PIP5K1C: variants seen among roughly 807,000 people sequenced by gnomAD.
The protein encoded by PIP5K1C is phosphatidylinositol 4-phosphate 5-kinase type-1 gamma.
A neutral mutation model predicts 80.1 loss-of-function variants in PIP5K1C; 45 were observed. The observed-to-expected ratio is 0.56, with a 90% CI of 0.44 to 0.72. PIP5K1C has a LOEUF of 0.72. Among genes scored for constraint, PIP5K1C ranks in the 30% least tolerant of loss-of-function variants. PIP5K1C has a pLI of 0.00. For missense variants in PIP5K1C, 753 were observed against 954.6 expected (o/e 0.79, Z 2.78); for synonymous variants, 498 against 420.1 (o/e 1.19, Z -2.27).
At chr19:3,663,889 C>T (rs1301360125) in intron 3 of PIP5K1C, among the ~76,000 whole-genome samples, 5 of 152,218 alleles carry the variant, frequency 3.3e-5, no homozygotes, top group South Asian at 2.1e-4. Context: ...CCGAGACAAA[C>T]GAACACATGT....
chr19:3,667,064 G>A (rs1490579219), intron 2 of PIP5K1C, among the ~76,000 whole-genome samples: 4 of 146,530 alleles, frequency 2.7e-5, no homozygotes, highest in African/African-American at 7.7e-5. Flanking sequence ...TGCCCCTGCA[G>A]CCCTGACCAG....
At position 3,633,025 on chromosome 19, in the gene PIP5K1C, T is replaced by A. The variant is rs1270663715; in HGVS notation, c.*142A>T. ...TCGGGGAGGGGCCCGGCCGTCGGCA[T>A]CCGTGCAGGGGGAGGACGAGGTCCG... On this transcript the variant is annotated 3_prime_UTR_variant, in exon 18 of 18. Transcript: ENST00000335312. The A allele has an allele frequency of 1.1e-5, 6 of 563,102 alleles. No individual in the cohort carries two copies. The highest frequency in any genetic ancestry group is 2.9e-5 in the Admixed American group (1 of 34,060). The allele number at this position is 563,102 out of a possible 1,614,324, so 34.9% of individuals were successfully genotyped here.
At position 3,700,468 on chromosome 19, in the gene PIP5K1C, C is replaced by T. The variant is rs1420068812; in HGVS notation, c.-78G>A. 16 of 803,006 alleles carry T rather than the reference C, an allele frequency of 2.0e-5. No individual in the cohort carries two copies. Among genetic ancestry groups the T allele is most frequent in the Non-Finnish European group, 2.4e-5 (16 of 660,804 alleles). 49.7% of individuals were successfully genotyped at this position (803,006 alleles called of 1,614,324 possible). A position where few individuals can be genotyped will look rare whatever the true frequency, so the allele number is the denominator to read the frequency against. ...GCCGCCGCCGAACAACAAGCGCCGCCGGCCAAGGGAGGGCGCGCCGGGCCG... is the reference window on the plus strand; with the variant it reads ...GCCGCCGCCGAACAACAAGCGCCGCTGGCCAAGGGAGGGCGCGCCGGGCCG... On this transcript the variant is annotated 5_prime_UTR_variant, in exon 1 of 18. Transcript: ENST00000335312.
In PIP5K1C at chr19:3,632,810, G is replaced by C; in HGVS notation, c.*357C>G. On this transcript the variant is annotated 3_prime_UTR_variant, in exon 18 of 18. Transcript: ENST00000335312. ...CAGGCAGGCACAGCAGAGAACCAAA[G>C]AGTGCAGTGGGCAGGGGCTCTTCTC... 3.6e-6 allele frequency: 1 copy of C among 277,684 alleles called. No homozygotes were observed. The highest frequency in any genetic ancestry group is 7.3e-5 in the South Asian group (1 of 13,696). 17.2% of individuals were successfully genotyped at this position (277,684 alleles called of 1,614,324 possible). A position where few individuals can be genotyped will look rare whatever the true frequency, so the allele number is the denominator to read the frequency against.
chr19:3,667,303 G>C lies in PIP5K1C; in HGVS notation c.126+19C>G. 1 of 1,611,370 alleles carries C rather than the reference G, an allele frequency of 6.2e-7. No homozygotes were observed. The highest frequency in any genetic ancestry group is 8.5e-7 in the Non-Finnish European group (1 of 1,178,934). Reference sequence around the variant, plus strand: ...TCAGGGTGGGGACCCCAGGCCCTTCGTCCGCTCCAGACACTCACCTCTGTT... The same window carrying C: ...TCAGGGTGGGGACCCCAGGCCCTTCCTCCGCTCCAGACACTCACCTCTGTT... On this transcript the variant is annotated intron_variant, in intron 2 of 17. Transcript: ENST00000335312.
intron 1 of PIP5K1C, among the ~76,000 whole-genome samples, chr19:3,687,532 C>T (rs1443714042): frequency 8.8e-6 from 1 of 113,846 alleles, no homozygotes; most frequent in Non-Finnish European, 1.9e-5. Context: ...CATGCACACG[C>T]ACACACATAC....
intron 16 of PIP5K1C, among the ~76,000 whole-genome samples, chr19:3,634,515 G>A (rs905912865): frequency 2.0e-5 from 3 of 152,168 alleles, no homozygotes; most frequent in Admixed American, 2.0e-4. Context: ...GCCTGGCCAC[G>A]TCCACCTGGC....
intron 1 of PIP5K1C, among the ~76,000 whole-genome samples, chr19:3,685,058 A>G (rs927765720): frequency 1.3e-5 from 2 of 152,110 alleles, no homozygotes; most frequent in African/African-American, 2.4e-5. Context: ...GCATTAACTC[A>G]CTCAACTTGT....
rs1202987887 is a variant in PIP5K1C at position 3,637,884 on chromosome 19, G to A, written c.1920+1000C>T. ...GGCCCCCCGTACCATCCGGAGACCA[G>A]GACGCGCACAAACCAGTCCCAGGAA... is the stretch of plus-strand genomic sequence containing the variant. On this transcript the variant is annotated intron_variant, in intron 16 of 17. Coordinates refer to ENST00000335312, the MANE Select transcript of PIP5K1C (RefSeq NM_012398.3). The surrounding 1 kb of genome is among the most constrained non-coding windows in gnomAD (Gnocchi z 7.0). 2.1e-5 allele frequency: 32 copies of A among 1,535,402 alleles called. No individual in the cohort carries two copies. The highest frequency in any genetic ancestry group is 2.8e-5 in the Non-Finnish European group (32 of 1,146,710).
chr19:3,638,035 G>A (rs955747941), intron 16 of PIP5K1C: 91 of 1,481,644 alleles, frequency 6.1e-5, no homozygotes, highest in Non-Finnish European at 8.0e-5. Context: ...AGTTAGTTAT[G>A]AAGCAGCGAG....
intron 2 of PIP5K1C, among the ~76,000 whole-genome samples, chr19:3,665,601 C>T (rs1055711108): frequency 1.3e-5 from 2 of 152,142 alleles, no homozygotes; most frequent in Non-Finnish European, 2.9e-5. Context: ...CTCACCAGGG[C>T]CCCTAACTGT....
chr19:3,678,677 G>A (rs1298696503), intron 1 of PIP5K1C, among the ~76,000 whole-genome samples: 2 of 131,354 alleles, frequency 1.5e-5, no homozygotes, highest in African/African-American at 2.9e-5. Flanking sequence ...GAGGGATGGC[G>A]AGATGGAGGG....
At chr19:3,694,542 A>G (rs892389897) in intron 1 of PIP5K1C, among the ~76,000 whole-genome samples, 5 of 152,138 alleles carry the variant, frequency 3.3e-5, no homozygotes, top group African/African-American at 1.2e-4. Flanking sequence ...CCCCAACCCC[A>G]CAGAGCACTG....
At chr19:3,636,513 T>C in intron 16 of PIP5K1C, 1 of 985,532 alleles carries the variant, frequency 1.0e-6, no homozygotes, top group Non-Finnish European at 1.2e-6. Context: ...AACTGCTCCC[T>C]GCCTATGGTG....
In PIP5K1C at chr19:3,632,971, ACCGGGGTG is replaced by A. The variant is rs997285835; in HGVS notation, c.*188_*195del. 7 of 530,702 alleles carry A rather than the reference ACCGGGGTG, an allele frequency of 1.3e-5. No homozygotes were observed. In the African/African-American group the frequency reaches 1.4e-4, roughly 11 times the overall value. The allele number at this position is 530,702 out of a possible 1,614,324, so 32.9% of individuals were successfully genotyped here. A position where few individuals can be genotyped will look rare whatever the true frequency, so the allele number is the denominator to read the frequency against. On this transcript the variant is annotated 3_prime_UTR_variant, in exon 18 of 18. Coordinates refer to ENST00000335312, the MANE Select transcript of PIP5K1C (RefSeq NM_012398.3). The stretch of plus-strand genomic sequence containing the variant: ...TGGGTCTCACAGGGGCAGGCTGCCG[ACCGGGGTG>A]CCGGGGCCCTGGGAGGCTTGTCGGG...
chr19:3,687,561 AC>A, intron 1 of PIP5K1C, among the ~76,000 whole-genome samples: 1 of 145,690 alleles, frequency 6.9e-6, no homozygotes, highest in East Asian at 2.0e-4. Context: ...ATGCACACGC[AC>A]ACACATGCAC....
At chr19:3,640,343 A>C (rs2033909728) in intron 15 of PIP5K1C, among the ~76,000 whole-genome samples, 1 of 152,146 alleles carries the variant, frequency 6.6e-6, no homozygotes, top group African/African-American at 2.4e-5. Flanking sequence ...GTGAAACCCC[A>C]TCTCTACTAA....
intron 16 of PIP5K1C, among the ~76,000 whole-genome samples, 166 bp from the exon 17 acceptor site, chr19:3,633,686 T>C (rs1158941316): frequency 6.6e-6 from 1 of 152,008 alleles, no homozygotes; most frequent in Non-Finnish European, 1.5e-5. Flanking sequence ...CCGGTGGACT[T>C]GCTCCCAACC....
At chr19:3,654,299 C>T (rs1298504125) in intron 6 of PIP5K1C, among the ~76,000 whole-genome samples, 1 of 152,224 alleles carries the variant, frequency 6.6e-6, no homozygotes, top group East Asian at 1.9e-4. Flanking sequence ...CTCAGGGGCA[C>T]CCAAGTGAAG....
Sources: gnomAD v4.1 joint callset for allele counts (sites outside exome capture counted in the v4.1 genomes callset) on GRCh38, gnomAD v4.1.1 for gene constraint, Gnocchi (gnomAD v3.1) non-coding constraint, MANE v1.5 for transcripts, NCBI Gene and HGNC (gene_info 2026-07-23, HGNC 2026-07-21) for gene names.